Variants in PHACTR2 observed in about 807,000 individuals in gnomAD.
PHACTR2 encodes the protein chromosome 6 open reading frame 56.
Under a neutral mutation model 76.0 loss-of-function variants are expected in PHACTR2, and 30 were observed. The observed-to-expected ratio is 0.39, with a 90% CI of 0.30 to 0.54. The LOEUF (loss-of-function observed/expected upper bound fraction) is 0.54. Among genes scored for constraint, PHACTR2 ranks in the 20% least tolerant of loss-of-function variants. The pLI is 0.61. For missense variants in PHACTR2, 696 were observed against 781.1 expected (o/e 0.89, Z 1.30); for synonymous variants, 292 against 292.5 (o/e 1.00, Z 0.02).
chr6:143,563,551 C>CAAAAAAAAAAAAAAAAAAA (rs76587878), intron 1 of PHACTR2, among the ~76,000 whole-genome samples: 3 of 29,966 alleles, frequency 1.0e-4, no homozygotes, highest in African/African-American at 2.5e-4. Context: ...AACTCCGTCT[C>CAAAAAAAAAAAAAAAAAAA]AAAAAAAAAA....
intron 1 of PHACTR2, among the ~76,000 whole-genome samples, chr6:143,551,207 A>C (rs9496664): frequency 0.021 from 3,258 of 152,166 alleles, 131 homozygotes; most frequent in African/African-American, 0.074. Context: ...ATTCCAAGAC[A>C]CCTAGTAGAT....
At chr6:143,692,785 T>C (rs1173989171) in intron 1 of PHACTR2, among the ~76,000 whole-genome samples, 1 of 152,246 alleles carries the variant, frequency 6.6e-6, no homozygotes, top group Non-Finnish European at 1.5e-5. Context: ...ACCTTCGACA[T>C]GTTAATAAAT....
At position 143,637,818 on chromosome 6, in the gene PHACTR2, G is replaced by T. The variant is rs546069372; in HGVS notation, c.13+29496G>T. On this transcript the variant is annotated intron_variant, in intron 1 of 11. Transcript: ENST00000305766. ...TTTATAACATAATACAATCACAGGAGAAACATCCCTTCGCCTTTGGCAAAC... is the reference window on the plus strand; with the variant it reads ...TTTATAACATAATACAATCACAGGATAAACATCCCTTCGCCTTTGGCAAAC... 3.3e-4 allele frequency among the ~76,000 whole-genome samples: 50 copies of T among 152,348 alleles called. 1 individual carries two copies. In the South Asian group the frequency reaches 0.01, roughly 32 times the overall value.
intron 1 of PHACTR2, among the ~76,000 whole-genome samples, chr6:143,693,316 C>A (rs564183280): frequency 6.6e-6 from 1 of 152,162 alleles, no homozygotes; most frequent in South Asian, 2.1e-4. Flanking sequence ...TGGCTCACTG[C>A]AACCTCCACT....
At chr6:143,759,945 A>C (rs554661659) in intron 4 of PHACTR2, among the ~76,000 whole-genome samples, 26 of 152,338 alleles carry the variant, frequency 1.7e-4, no homozygotes, top group African/African-American at 6.0e-4. Flanking sequence ...CCATGAGTCC[A>C]GCAGTTGCTG....
At position 143,710,050 on chromosome 6, in the gene PHACTR2, C is replaced by T. The variant is rs555805618; in HGVS notation, c.47-1966C>T. 3.9e-5 allele frequency among the ~76,000 whole-genome samples: 6 copies of T among 152,104 alleles called. No homozygotes were observed. Among genetic ancestry groups the T allele is most frequent in the Non-Finnish European group, 8.8e-5 (6 of 68,028 alleles). On this transcript the variant is annotated intron_variant, in intron 1 of 12. Transcript: ENST00000440869. The surrounding 1 kb of genome is among the most constrained non-coding windows in gnomAD (Gnocchi z 4.9). ...CATGGTCACAGGTTCTTCTATGGTG[C>T]TCGGCTGTAGTAGAGCAGTTATTGT...
intron 1 of PHACTR2, among the ~76,000 whole-genome samples, chr6:143,665,704 A>T (rs1439463739): frequency 1.3e-5 from 2 of 152,100 alleles, no homozygotes; most frequent in African/African-American, 4.8e-5. Flanking sequence ...TCTAGTCTGG[A>T]TTATTCCTGT....
intron 3 of PHACTR2, 96 bp downstream of exon 3, chr6:143,749,161 G>T (rs1779132496): frequency 1.4e-6 from 1 of 692,930 alleles, no homozygotes. Flanking sequence ...CATGGTCTTT[G>T]TAAGGTAAAG....
At position 143,813,690 on chromosome 6, in the gene PHACTR2, G is replaced by A. The variant is rs369545597; in HGVS notation, c.1922+6557G>A. On this transcript the variant is annotated intron_variant, in intron 12 of 12. Coordinates refer to ENST00000440869, the MANE Select transcript of PHACTR2 (RefSeq NM_001100164.2). ...TAGGAAATAACTTCAAAAATTCTTA[G>A]TGCTTTATTATAGAGTGGGGTTATA... Among the ~76,000 whole-genome samples, 21 of 150,998 alleles carry A rather than the reference G, an allele frequency of 1.4e-4. 1 individual carries two copies. In the South Asian group the frequency reaches 3.8e-3, roughly 27 times the overall value.
In PHACTR2 at chr6:143,742,641, G is replaced by A. The variant is rs189904215; in HGVS notation, c.215-6344G>A. Among the ~76,000 whole-genome samples, 2 of 152,258 alleles carry A rather than the reference G, an allele frequency of 1.3e-5. No individual in the cohort carries two copies. The highest frequency in any genetic ancestry group is 1.3e-4 in the Admixed American group (2 of 15,306). ...CTACAAATAACATGGACTAAGAGAG[G>A]GGGAATGTGGCTTCCCAAAGGAAAA... On this transcript the variant is annotated intron_variant, in intron 2 of 12. Coordinates refer to ENST00000440869, the MANE Select transcript of PHACTR2 (RefSeq NM_001100164.2). The surrounding 1 kb of genome is among the most constrained non-coding windows in gnomAD (Gnocchi z 4.5).
chr6:143,591,005 G>T lies in PHACTR2; in HGVS notation c.217+53798G>T, dbSNP rs1353802104. Among the ~76,000 whole-genome samples the T allele has an allele frequency of 6.6e-6, 1 of 152,142 alleles. No individual in the cohort carries two copies. Among genetic ancestry groups the T allele is most frequent in the African/African-American group, 2.4e-5 (1 of 41,432 alleles). On this transcript the variant is annotated intron_variant, in intron 1 of 11. Transcript: ENST00000367584. The surrounding 1 kb of genome is among the most constrained non-coding windows in gnomAD (Gnocchi z 6.4). ...ACTCGACGTGTATATCCTACCAACAGTCGGCCAAGTAGAATTGTACTTGTA... is the reference window on the plus strand; with the variant it reads ...ACTCGACGTGTATATCCTACCAACATTCGGCCAAGTAGAATTGTACTTGTA...
chr6:143,781,159 C>G (rs1382338001), intron 9 of PHACTR2, among the ~76,000 whole-genome samples: 1 of 152,186 alleles, frequency 6.6e-6, no homozygotes, highest in African/African-American at 2.4e-5. Flanking sequence ...GTTGGCTTCC[C>G]TCTACCTCTC....
In PHACTR2 at chr6:143,739,383, A is replaced by C. The variant is rs1778891999; in HGVS notation, c.215-9602A>C. On this transcript the variant is annotated intron_variant, in intron 2 of 12. Transcript: ENST00000440869. This position sits in a 1 kb window ranked among gnomAD's most constrained non-coding sequence, Gnocchi z 4.3. ...CGGCTGCGAGATTCACTTTAAAATCAGTTCTCTAGCCTGTTCTTTTTGGGA... is the reference window on the plus strand; with the variant it reads ...CGGCTGCGAGATTCACTTTAAAATCCGTTCTCTAGCCTGTTCTTTTTGGGA... Among the ~76,000 whole-genome samples, 1 of 152,166 alleles carries C rather than the reference A, an allele frequency of 6.6e-6. No individual in the cohort carries two copies. The highest frequency in any genetic ancestry group is 6.5e-5 in the Admixed American group (1 of 15,280).
At position 143,709,183 on chromosome 6, in the gene PHACTR2, G is replaced by T. The variant is rs146573555; in HGVS notation, c.47-2833G>T. On this transcript the variant is annotated intron_variant, in intron 1 of 12. Transcript: ENST00000440869. The surrounding 1 kb of genome is among the most constrained non-coding windows in gnomAD (Gnocchi z 4.4). Reference sequence around the variant, plus strand: ...TTACTCTGAATTAGCTTCAAAATCAGTCTGTCCCCTGTATCTCTATCTGTT... The same window carrying T: ...TTACTCTGAATTAGCTTCAAAATCATTCTGTCCCCTGTATCTCTATCTGTT... Among the ~76,000 whole-genome samples, 1 of 152,206 alleles carries T rather than the reference G, an allele frequency of 6.6e-6. No homozygotes were observed. The highest frequency in any genetic ancestry group is 2.4e-5 in the African/African-American group (1 of 41,458).
rs551722123 is a variant in PHACTR2, at chr6:143,767,957, C to T, written c.1232+2159C>T. On this transcript the variant is annotated intron_variant, in intron 6 of 12. Coordinates refer to ENST00000440869, the MANE Select transcript of PHACTR2 (RefSeq NM_001100164.2). This position sits in a 1 kb window ranked among gnomAD's most constrained non-coding sequence, Gnocchi z 4.4. ...GGTTCAAGCAATTCTCCTGCCTCAG[C>T]CTCCCCAGTAACTGGAACTACGGGT... Among the ~76,000 whole-genome samples the T allele has an allele frequency of 1.3e-5, 2 of 152,296 alleles. No homozygotes were observed. Among genetic ancestry groups the T allele is most frequent in the Admixed American group, 6.5e-5 (1 of 15,304 alleles).
intron 1 of PHACTR2, among the ~76,000 whole-genome samples, chr6:143,626,153 G>C (rs1178165379): frequency 6.6e-6 from 1 of 152,156 alleles, no homozygotes. Flanking sequence ...ATTTTACCTT[G>C]TTTTGTGTGA....
intron 1 of PHACTR2, among the ~76,000 whole-genome samples, chr6:143,609,909 A>G (rs1011049894): frequency 6.6e-6 from 1 of 152,214 alleles, no homozygotes; most frequent in African/African-American, 2.4e-5. Flanking sequence ...CACAATCTCT[A>G]GTTATGTTAT....
rs1484683000 is a variant in PHACTR2, at chr6:143,621,186, G to A, written c.13+12864G>A. Among the ~76,000 whole-genome samples, 1 of 152,206 alleles carries A rather than the reference G, an allele frequency of 6.6e-6. No homozygotes were observed. Among genetic ancestry groups the A allele is most frequent in the African/African-American group, 2.4e-5 (1 of 41,450 alleles). ...GGGATTGGAGGATTGGGTAGGGAAT[G>A]TGGACAGATTATAGGGAGAGACCAA... On this transcript the variant is annotated intron_variant, in intron 1 of 11. Coordinates refer to the PHACTR2 transcript ENST00000305766. The surrounding 1 kb of genome is among the most constrained non-coding windows in gnomAD (Gnocchi z 4.1).
rs578189795 is a variant in PHACTR2, at chr6:143,562,081, T to C, written c.217+24874T>C. The C allele has an allele frequency of 9.9e-5, 15 of 152,262 alleles. No homozygotes were observed. The highest frequency in any genetic ancestry group is 2.6e-4 in the African/African-American group (11 of 41,550). 9.4% of individuals were successfully genotyped at this position (152,262 alleles called of 1,614,324 possible). ...CAGATATTGTTACTTCACTGAAAAC[T>C]CTCACCGCCAGCCAGAGTTCCTTGT... On this transcript the variant is annotated intron_variant, in intron 1 of 11. Transcript: ENST00000367584. The surrounding 1 kb of genome is among the most constrained non-coding windows in gnomAD (Gnocchi z 5.1).
Sources: allele counts gnomAD v4.1 joint callset (sites outside exome capture counted in the v4.1 genomes callset), GRCh38; gene constraint gnomAD v4.1.1; non-coding constraint Gnocchi (gnomAD v3.1); transcripts MANE v1.5; gene names NCBI Gene and HGNC (gene_info 2026-07-23, HGNC 2026-07-21).